HOOK1: variants seen among roughly 807,000 people sequenced by gnomAD.
The protein encoded by HOOK1 is protein Hook homolog 1.
HOOK1 carries 60 observed loss-of-function variants against 112.8 expected under a neutral mutation model. That is an observed-to-expected ratio of 0.53 (90% CI 0.43 to 0.66). The LOEUF (loss-of-function observed/expected upper bound fraction) is 0.66. HOOK1 is among the 30% of genes least tolerant of loss of function. The pLI is 0.00. For missense variants in HOOK1, 770 were observed against 856.0 expected (o/e 0.90, Z 1.25); for synonymous variants, 294 against 283.8 (o/e 1.04, Z -0.36).
chr1:59,830,671 C>G (rs1464961494), intron 3 of HOOK1, among the ~76,000 whole-genome samples: 1 of 151,714 alleles, frequency 6.6e-6, no homozygotes, highest in African/African-American at 2.4e-5. Flanking sequence ...TGTAAAAAAC[C>G]TTCTATTTCT....
intron 12 of HOOK1, among the ~76,000 whole-genome samples, chr1:59,857,837 T>G (rs1255624751): frequency 1.3e-5 from 2 of 152,212 alleles, no homozygotes; most frequent in African/African-American, 4.8e-5. Context: ...AAGTACCAGC[T>G]TGCTGTCCTT....
intron 12 of HOOK1, among the ~76,000 whole-genome samples, chr1:59,850,810 C>A (rs750734991): frequency 2.0e-5 from 3 of 151,278 alleles, no homozygotes; most frequent in Non-Finnish European, 4.4e-5. Context: ...TAACAAATTA[C>A]CACACAAATG....
rs1179963660 is a variant in HOOK1 at position 59,875,776 on chromosome 1, T to C, written c.*2811T>C. On this transcript the variant is annotated 3_prime_UTR_variant, in exon 22 of 22. Transcript: ENST00000371208. ...TCTATGTTGAGATTAACTTATGTAT[T>C]GAGGAAAATTTGAAGTTTATTTTTT... The C allele has an allele frequency of 2.0e-5, 3 of 152,222 alleles. No individual in the cohort carries two copies. Among genetic ancestry groups the C allele is most frequent in the African/African-American group, 7.2e-5 (3 of 41,464 alleles). 9.4% of individuals were successfully genotyped at this position (152,222 alleles called of 1,614,324 possible). A position where few individuals can be genotyped will look rare whatever the true frequency, so the allele number is the denominator to read the frequency against.
chr1:59,855,998 T>TG (rs2098410550), intron 12 of HOOK1, among the ~76,000 whole-genome samples: 3 of 131,582 alleles, frequency 2.3e-5, no homozygotes, highest in African/African-American at 9.0e-5. Context: ...TTTTTTTTTT[T>TG]TTTTTTTTTT....
At chr1:59,865,456 A>G (rs920426622) in intron 18 of HOOK1, among the ~76,000 whole-genome samples, 16 of 152,294 alleles carry the variant, frequency 1.1e-4, no homozygotes, top group African/African-American at 3.8e-4. Flanking sequence ...TGATGGATAT[A>G]TGGGAGTATC....
chr1:59,841,812 AT>A (rs1294211957), intron 8 of HOOK1, among the ~76,000 whole-genome samples: 3 of 152,152 alleles, frequency 2.0e-5, no homozygotes, highest in Admixed American at 1.3e-4. Flanking sequence ...GTAACAAATA[AT>A]AAAGGATATA....
At position 59,843,541 on chromosome 1, in the gene HOOK1, C is replaced by CA. The variant is rs2102036135; in HGVS notation, c.737dup (p.Tyr247ValfsTer19). Reference sequence around the variant, plus strand: ...TTTGATGATCCAAACACAGTGGTTGCAAAAAAGTATTTTCATGCACAATTA... The same window carrying CA: ...TTTGATGATCCAAACACAGTGGTTGCAAAAAAAGTATTTTCATGCACAATTA... On this transcript the variant is annotated frameshift_variant, in exon 9 of 22. Transcript: ENST00000371208. LOFTEE classifies it high-confidence loss of function. 1 of 1,606,594 alleles carries CA rather than the reference C, an allele frequency of 6.2e-7. No individual in the cohort carries two copies. The highest frequency in any genetic ancestry group is 1.3e-5 in the African/African-American group (1 of 74,264).
At chr1:59,872,725 T>C (rs1301762370) in intron 21 of HOOK1, 70 bp from the exon 22 acceptor site, 1 of 1,105,788 alleles carries the variant, frequency 9.0e-7, no homozygotes, top group Middle Eastern at 3.3e-4. Flanking sequence ...TTAAGTGTCT[T>C]TATGTGAGAA....
rs1644083476 is a variant in HOOK1 at position 59,873,059 on chromosome 1, AAG to A, written c.*97_*98del. 9.8e-7 allele frequency: 1 copy of A among 1,020,320 alleles called. No individual in the cohort carries two copies. Among genetic ancestry groups the A allele is most frequent in the Non-Finnish European group, 1.3e-6 (1 of 765,948 alleles). 63.2% of individuals were successfully genotyped at this position (1,020,320 alleles called of 1,614,324 possible). The stretch of plus-strand genomic sequence containing the variant: ...CTTTCAACTAACTACCAGATTGAAA[AAG>A]AGTTTATGATGCGGGATATCAGGTA... On this transcript the variant is annotated 3_prime_UTR_variant, in exon 22 of 22. Transcript: ENST00000371208.
At position 59,848,421 on chromosome 1, in the gene HOOK1, A is replaced by G. The variant is rs749842463; in HGVS notation, c.1036A>G (p.Thr346Ala). 2.5e-6 allele frequency: 4 copies of G among 1,611,130 alleles called. No homozygotes were observed. The highest frequency in any genetic ancestry group is 2.2e-5 in the East Asian group (1 of 44,760). The change falls in exon 11 of 22, where the codon ACC becomes GCC. Residue 346 changes from threonine (T) to alanine (A), a missense_variant. By Grantham distance (58) the Thr-to-Ala change is moderately conservative. Transcript: ENST00000371208. The part of the protein sequence containing the change: ...LRKQVKTLQE[T>A]NMMYMHNTVS... The stretch of plus-strand genomic sequence containing the variant: ...CAAGCAGGTGAAAACTTTACAGGAA[A>G]CCAACATGATGTATATGCATAATAC...
intron 9 of HOOK1, among the ~76,000 whole-genome samples, 163 bp downstream of exon 9, chr1:59,843,761 G>A (rs2098402222): frequency 6.6e-6 from 1 of 151,836 alleles, no homozygotes; most frequent in South Asian, 2.1e-4. Context: ...TGTTATCACA[G>A]GGCTAACATC....
rs1644092953 is a variant in HOOK1 at position 59,873,740 on chromosome 1, T to TATATATATATATATATATATATATAC, written c.*776_*801dup. The stretch of plus-strand genomic sequence containing the variant: ...GGAAAGCAAGCTATATATATATATA[T>TATATATATATATATATATATATATAC]ATATATATATATATATATATATATA... On this transcript the variant is annotated 3_prime_UTR_variant, in exon 22 of 22. Transcript: ENST00000371208. 2.1e-5 allele frequency: 3 copies of TATATATATATATATATATATATATAC among 142,062 alleles called. No homozygotes were observed. The highest frequency in any genetic ancestry group is 7.0e-5 in the Admixed American group (1 of 14,252). 8.8% of individuals were successfully genotyped at this position (142,062 alleles called of 1,614,324 possible).
intron 1 of HOOK1, chr1:59,815,406 G>GT: frequency 3.5e-6 from 2 of 576,242 alleles, no homozygotes; most frequent in East Asian, 6.0e-5. Flanking sequence ...CTCTGGGAGC[G>GT]TAACAGTGGA....
At position 59,840,327 on chromosome 1, in the gene HOOK1, A is replaced by G. The variant is rs1460260549; in HGVS notation, c.557A>G (p.Glu186Gly). 1.9e-6 allele frequency: 3 copies of G among 1,591,304 alleles called. No homozygotes were observed. The highest frequency in any genetic ancestry group is 2.6e-6 in the Non-Finnish European group (3 of 1,170,242). Residue 186 changes from glutamate to glycine, a missense_variant, in exon 8 of 22, where the codon GAA (glutamate) becomes GGA (glycine). This residue lies in a region of HOOK1 where 655 missense variants were observed against 725.9 expected (regional missense o/e 0.90). Transcript: ENST00000371208. ...TTTCAGCTTAAAAGAGCCTTGGAAG[A>G]ACTTCAGGAAGCACTAGCAGAAAAA... The part of the protein sequence containing the change: ...LEQQLKRALE[E>G]LQEALAEKEE...
chr1:59,835,404 A>G lies in HOOK1; in HGVS notation c.466A>G (p.Ile156Val), dbSNP rs1473402837. The G allele has an allele frequency of 6.4e-7, 1 of 1,563,042 alleles. No individual in the cohort carries two copies. Among genetic ancestry groups the G allele is most frequent in the Non-Finnish European group, 8.8e-7 (1 of 1,134,846 alleles). Residue 156 changes from isoleucine to valine, a missense_variant, in exon 6 of 22, where the codon ATT becomes GTT. Transcript: ENST00000371208. ...ESVQHVVMTA[I>V]QELMSKEILS... is the part of the protein sequence containing the mutation. The stretch of plus-strand genomic sequence containing the variant: ...TGTTCAACATGTGGTCATGACTGCT[A>G]TTCAAGAGGTAAGTTATATCATGTT...
intron 20 of HOOK1, 151 bp from the exon 21 acceptor site, chr1:59,870,891 G>A: frequency 1.7e-6 from 1 of 583,898 alleles, no homozygotes; most frequent in Non-Finnish European, 3.1e-6. Context: ...ATGCATTTGT[G>A]CTTGATTCAG....
At position 59,840,125 on chromosome 1, in the gene HOOK1, A is replaced by G. The variant is rs144264815; in HGVS notation, c.538-183A>G. ...ATTGAGGATTTTCACATCGATGTTC[A>G]TCAGGGATATTGGCCTAAAATTCTC... On this transcript the variant is annotated intron_variant, in intron 7 of 21. Transcript: ENST00000371208. Among the ~76,000 whole-genome samples the G allele has an allele frequency of 1.4e-4, 21 of 152,302 alleles. No individual in the cohort carries two copies. In the South Asian group the frequency reaches 4.1e-3, roughly 30 times the overall value.
intron 12 of HOOK1, among the ~76,000 whole-genome samples, chr1:59,857,874 G>T (rs931268379): frequency 6.6e-6 from 1 of 152,134 alleles, no homozygotes; most frequent in African/African-American, 2.4e-5. Context: ...CCGCCAATGT[G>T]TATCTCCAGG....
rs1404043501 is a variant in HOOK1, at chr1:59,849,067, C to T, written c.1132-6C>T. The T allele has an allele frequency of 1.3e-6, 2 of 1,582,142 alleles. No homozygotes were observed. On this transcript the variant is annotated splice_region_variant and splice_polypyrimidine_tract_variant and intron_variant, in intron 11 of 21. Transcript: ENST00000371208. ...GGACCTTTTTTCCTTTTGTTTCTGA[C>T]ATTAGGTTCAAGATCTTCATGTTAA...
Sources: allele counts gnomAD v4.1 joint callset (sites outside exome capture counted in the v4.1 genomes callset), GRCh38; gene constraint gnomAD v4.1.1; regional missense constraint gnomAD v4.1.1; transcripts MANE v1.5; gene names NCBI Gene and HGNC (gene_info 2026-07-23, HGNC 2026-07-21).